ZSCAN22: variants seen among roughly 807,000 people sequenced by gnomAD.
ZSCAN22 encodes zinc finger and SCAN domain containing 22, also known as zinc finger and SCAN domain-containing protein 22.
In ZSCAN22, 7 loss-of-function variants were observed where a neutral mutation model predicts 12.4. That is an observed-to-expected ratio of 0.57 (90% CI 0.32 to 1.06). The LOEUF is 1.06. ZSCAN22 is among the 50% of genes least tolerant of loss of function. ZSCAN22 has a pLI of 0.04. For synonymous variants in ZSCAN22, 243 were observed against 255.9 expected (o/e 0.95, Z 0.48); for missense variants, 576 against 631.7 (o/e 0.91, Z 0.94).
In ZSCAN22 at chr19:58,339,358, G is replaced by A. The variant is rs757318675; in HGVS notation, c.*32G>A. ...GTCGCCCCTGGGGGCGTAGCACAGC[G>A]TCTTCTCGGAGGCTCGAGGTCTAAG... On this transcript the variant is annotated 3_prime_UTR_variant, in exon 3 of 3. Coordinates refer to ENST00000329665, the MANE Select transcript of ZSCAN22 (RefSeq NM_181846.3). The surrounding 1 kb of genome is among the most constrained non-coding windows in gnomAD (Gnocchi z 5.6). The A allele has an allele frequency of 1.6e-5, 25 of 1,544,634 alleles. No individual in the cohort carries two copies. The highest frequency in any genetic ancestry group is 3.5e-4 in the Middle Eastern group (2 of 5,722).
At chr19:58,334,466 G>A (rs1349793517) in intron 1 of ZSCAN22, among the ~76,000 whole-genome samples, 2 of 152,106 alleles carry the variant, frequency 1.3e-5, no homozygotes, top group Non-Finnish European at 2.9e-5. Flanking sequence ...ACAGGTGCCC[G>A]CCACCACGTC....
intron 2 of ZSCAN22, among the ~76,000 whole-genome samples, chr19:58,336,767 G>A (rs2051802326): frequency 6.6e-6 from 1 of 152,246 alleles, no homozygotes; most frequent in Non-Finnish European, 1.5e-5. Context: ...GTCACCCACT[G>A]TGCTTGGGGC....
chr19:58,334,463 C>T (rs1433420288), intron 1 of ZSCAN22, among the ~76,000 whole-genome samples: 5 of 152,264 alleles, frequency 3.3e-5, no homozygotes, highest in African/African-American at 4.8e-5. Flanking sequence ...ACCACAGGTG[C>T]CCGCCACCAC....
chr19:58,334,907 A>G lies in ZSCAN22; in HGVS notation c.105A>G (p.Gly35=). 6.2e-7 allele frequency: 1 copy of G among 1,614,112 alleles called. No homozygotes were observed. Among genetic ancestry groups the G allele is most frequent in the South Asian group, 1.1e-5 (1 of 91,088 alleles). ...EEEEASLSQG[G]ESSHDHIAHS... ...AGGAAGCCAGCCTCTCCCAGGGCGG[A>G]GAATCCAGCCATGACCACATTGCTC... The change falls in exon 2 of 3, where the codon GGA becomes GGG. Residue 35 remains glycine (G), a synonymous_variant. Transcript: ENST00000329665.
intron 1 of ZSCAN22, among the ~76,000 whole-genome samples, chr19:58,332,698 C>T (rs1006712539): frequency 3.9e-5 from 6 of 152,160 alleles, no homozygotes; most frequent in Admixed American, 6.5e-5. Context: ...GCATTTTATC[C>T]ATTCATCAGG....
chr19:58,341,868 T>A lies in ZSCAN22; in HGVS notation c.*2542T>A, dbSNP rs900269355. 6.6e-6 allele frequency: 1 copy of A among 152,202 alleles called. No homozygotes were observed. Among genetic ancestry groups the A allele is most frequent in the African/African-American group, 2.4e-5 (1 of 41,432 alleles). 9.4% of individuals were successfully genotyped at this position (152,202 alleles called of 1,614,324 possible). ...CTAAGATAAGTGACTTTCCTGAACCTCCATGACCTCCTCATATGTAAACCA... is the reference window on the plus strand; with the variant it reads ...CTAAGATAAGTGACTTTCCTGAACCACCATGACCTCCTCATATGTAAACCA... On this transcript the variant is annotated 3_prime_UTR_variant, in exon 3 of 3. Coordinates refer to ENST00000329665, the MANE Select transcript of ZSCAN22 (RefSeq NM_181846.3).
intron 1 of ZSCAN22, among the ~76,000 whole-genome samples, chr19:58,330,051 G>A (rs1276330984): frequency 1.3e-5 from 2 of 152,242 alleles, no homozygotes; most frequent in East Asian, 3.8e-4. Context: ...CAATTTGGGA[G>A]GCTGAGGTGG....
Position 58,340,391 on chromosome 19 carries a change from G to A in ZSCAN22, c.*1065G>A, listed in dbSNP as rs2051856894. On this transcript the variant is annotated 3_prime_UTR_variant, in exon 3 of 3. Transcript: ENST00000329665. ...ACACCAGCCACACGGAACTACTGTG[G>A]TCCCTGAAGGAGCCATACATTTTCC... The A allele has an allele frequency of 6.6e-6, 1 of 152,188 alleles. No individual in the cohort carries two copies. 9.4% of individuals were successfully genotyped at this position (152,188 alleles called of 1,614,324 possible). A position where few individuals can be genotyped will look rare whatever the true frequency, so the allele number is the denominator to read the frequency against.
chr19:58,333,791 C>T lies in ZSCAN22; in HGVS notation c.-51-961C>T, dbSNP rs562931462. Among the ~76,000 whole-genome samples, 6 of 152,264 alleles carry T rather than the reference C, an allele frequency of 3.9e-5. No homozygotes were observed. In the East Asian group the frequency reaches 1.2e-3, roughly 29 times the overall value. On this transcript the variant is annotated intron_variant, in intron 1 of 2. Coordinates refer to ENST00000329665, the MANE Select transcript of ZSCAN22 (RefSeq NM_181846.3). ...CCCGGGAGGCGGAGTTGCAGTGAGCCGAGATAGCGTCACTGCCCTCCAGCC... is the reference window on the plus strand; with the variant it reads ...CCCGGGAGGCGGAGTTGCAGTGAGCTGAGATAGCGTCACTGCCCTCCAGCC...
At position 58,339,396 on chromosome 19, in the gene ZSCAN22, T is replaced by G. The variant is rs1264476745; in HGVS notation, c.*70T>G. The G allele has an allele frequency of 1.4e-6, 2 of 1,396,742 alleles. No homozygotes were observed. The highest frequency in any genetic ancestry group is 1.9e-6 in the Non-Finnish European group (2 of 1,036,728). The allele number at this position is 1,396,742 out of a possible 1,614,324, so 86.5% of individuals were successfully genotyped here. A position where few individuals can be genotyped will look rare whatever the true frequency, so the allele number is the denominator to read the frequency against. On this transcript the variant is annotated 3_prime_UTR_variant, in exon 3 of 3. Coordinates refer to ENST00000329665, the MANE Select transcript of ZSCAN22 (RefSeq NM_181846.3). The surrounding 1 kb of genome is among the most constrained non-coding windows in gnomAD (Gnocchi z 5.6). ...CTCGAGGTCTAAGAGAAACGCTGAG[T>G]TCCTGAAGAGCCACAGACAGGGTGG... is the stretch of plus-strand genomic sequence containing the variant.
At chr19:58,327,985 G>T (rs2051676086) in intron 1 of ZSCAN22, among the ~76,000 whole-genome samples, 1 of 152,126 alleles carries the variant, frequency 6.6e-6, no homozygotes, top group Non-Finnish European at 1.5e-5. Context: ...CGAGTAGCTG[G>T]GATTACAGGC....
Position 58,338,278 on chromosome 19 carries a change from C to T in ZSCAN22, c.428C>T (p.Thr143Ile). The T allele has an allele frequency of 6.2e-7, 1 of 1,602,644 alleles. No individual in the cohort carries two copies. The highest frequency in any genetic ancestry group is 8.5e-7 in the Non-Finnish European group (1 of 1,171,182). The change falls in exon 3 of 3, where the codon ACA (threonine) becomes ATA (isoleucine). Residue 143 changes from threonine to isoleucine, a missense_variant. Physicochemically the swap from Thr to Ile is moderately conservative, Grantham distance 89 (BLOSUM62 -1). Coordinates refer to ENST00000329665, the MANE Select transcript of ZSCAN22 (RefSeq NM_181846.3). The surrounding 1 kb of genome is among the most constrained non-coding windows in gnomAD (Gnocchi z 5.4). ...GGATGGGATCCAGGAGCCGAGCCCA[C>T]AGAGGCAAGCTGCAAGCAGAGTGAC... ...KRGWDPGAEP[T>I]EASCKQSDLG...
At chr19:58,336,894 T>C (rs1399860008) in intron 2 of ZSCAN22, among the ~76,000 whole-genome samples, 1 of 152,168 alleles carries the variant, frequency 6.6e-6, no homozygotes, top group East Asian at 1.9e-4. Context: ...ATTAAGGTGG[T>C]AGACCTGGGG....
rs558817581 is a variant in ZSCAN22 at position 58,335,884 on chromosome 19, C to G, written c.403+679C>G. ...GCTGGGCACTGTTACTCACAGAGAC[C>G]CACACAAACATCCCAACCCAGGGAG... On this transcript the variant is annotated intron_variant, in intron 2 of 2. Transcript: ENST00000329665. This position sits in a 1 kb window ranked among gnomAD's most constrained non-coding sequence, Gnocchi z 4.1. 6.6e-5 allele frequency among the ~76,000 whole-genome samples: 10 copies of G among 152,314 alleles called. No individual in the cohort carries two copies. The East Asian group carries it at 1.7e-3, about 26-fold the overall frequency.
intron 2 of ZSCAN22, among the ~76,000 whole-genome samples, chr19:58,337,042 C>T (rs758817805): frequency 3.9e-5 from 6 of 152,218 alleles, no homozygotes; most frequent in Non-Finnish European, 7.3e-5. Context: ...CAGGGCAGGT[C>T]AGTGCGAGCA....
chr19:58,339,332 A>C lies in ZSCAN22; in HGVS notation c.*6A>C. On this transcript the variant is annotated 3_prime_UTR_variant, in exon 3 of 3. Transcript: ENST00000329665. The surrounding 1 kb of genome is among the most constrained non-coding windows in gnomAD (Gnocchi z 5.6). ...ACATCACGGTGCTGCAATGACCGGAAGTCGCCCCTGGGGGCGTAGCACAGC... is the reference window on the plus strand; with the variant it reads ...ACATCACGGTGCTGCAATGACCGGACGTCGCCCCTGGGGGCGTAGCACAGC... 1 of 1,586,280 alleles carries C rather than the reference A, an allele frequency of 6.3e-7. No homozygotes were observed. Among genetic ancestry groups the C allele is most frequent in the Non-Finnish European group, 8.6e-7 (1 of 1,163,260 alleles).
intron 2 of ZSCAN22, among the ~76,000 whole-genome samples, chr19:58,337,303 G>A (rs2051809920): frequency 6.6e-6 from 1 of 152,008 alleles, no homozygotes; most frequent in Admixed American, 6.6e-5. Context: ...AAGGTGTTGA[G>A]TGTGAGGGAC....
At position 58,332,268 on chromosome 19, in the gene ZSCAN22, C is replaced by CTTTTTTTTTTTT. The variant is rs35345104; in HGVS notation, c.-51-2472_-51-2461dup. On this transcript the variant is annotated intron_variant, in intron 1 of 2. Transcript: ENST00000329665. ...TCAGCCTCTGACAAACACTAATATG[C>CTTTTTTTTTTTT]TTTTTTTTTTTTTTTTTTTTTTTGA... Among the ~76,000 whole-genome samples, 5 of 81,674 alleles carry CTTTTTTTTTTTT rather than the reference C, an allele frequency of 6.1e-5. 1 individual carries two copies. The highest frequency in any genetic ancestry group is 2.2e-4 in the African/African-American group (4 of 18,284). The allele number at this position is 81,674 out of a possible 152,430, so 53.6% of individuals were successfully genotyped here. A position where few individuals can be genotyped will look rare whatever the true frequency, so the allele number is the denominator to read the frequency against.
Position 58,335,011 on chromosome 19 carries a change from T to G in ZSCAN22, c.209T>G (p.Leu70Arg). ...GGTCCACACGAGGCCCTGGCCCACC[T>G]CCGAGCGCTGTGCTGTCAGTGGCTG... ...ASGPHEALAH[L>R]RALCCQWLQP... The change falls in exon 2 of 3, where the codon CTC becomes CGC. Residue 70 changes from leucine (L) to arginine (R), a missense_variant. Transcript: ENST00000329665. The surrounding 1 kb of genome is among the most constrained non-coding windows in gnomAD (Gnocchi z 4.1). The G allele has an allele frequency of 1.2e-6, 2 of 1,614,098 alleles. No individual in the cohort carries two copies. Among genetic ancestry groups the G allele is most frequent in the African/African-American group, 1.3e-5 (1 of 75,056 alleles).
Sources: allele counts gnomAD v4.1 joint callset (sites outside exome capture counted in the v4.1 genomes callset), GRCh38; gene constraint gnomAD v4.1.1; non-coding constraint Gnocchi (gnomAD v3.1); transcripts MANE v1.5; gene names NCBI Gene and HGNC (gene_info 2026-07-23, HGNC 2026-07-21).